The following PPIF variants were observed in gnomAD, a reference collection of about 807,000 sequenced individuals.
PPIF encodes the protein peptidyl-prolyl cis-trans isomerase F, mitochondrial.
PPIF carries 23 observed loss-of-function variants against 20.2 expected under a neutral mutation model. The ratio of observed to expected loss-of-function variants is 1.14; its 90% CI spans 0.82 to 1.61. PPIF has a LOEUF of 1.61. PPIF is among the 40% of genes most tolerant of loss of function. The probability of loss-of-function intolerance (pLI) is 0.00; values close to 1 mark genes in which losing one functional copy is unlikely to be tolerated. For missense variants in PPIF, 287 were observed against 291.6 expected (o/e 0.98, Z 0.11); for synonymous variants, 113 against 123.1 (o/e 0.92, Z 0.54).
At position 79,347,495 on chromosome 10, in the gene PPIF, T is replaced by A. The variant is rs915240711; in HGVS notation, c.-54T>A. Reference sequence around the variant, plus strand: ...CTCGGCCTTCTGGGCGCGCGCGACGTCAGTTTGAGTTCTGTGTTCTCCCCG... The same window carrying A: ...CTCGGCCTTCTGGGCGCGCGCGACGACAGTTTGAGTTCTGTGTTCTCCCCG... On this transcript the variant is annotated 5_prime_UTR_variant, in exon 1 of 6. Coordinates refer to ENST00000225174, the MANE Select transcript of PPIF (RefSeq NM_005729.4). 5.6e-6 allele frequency: 7 copies of A among 1,254,246 alleles called. No homozygotes were observed. Among genetic ancestry groups the A allele is most frequent in the Non-Finnish European group, 7.0e-6 (7 of 1,000,276 alleles). The allele number at this position is 1,254,246 out of a possible 1,614,324, so 77.7% of individuals were successfully genotyped here.
At chr10:79,348,680 G>A (rs1210313168) in intron 1 of PPIF, among the ~76,000 whole-genome samples, 1 of 152,174 alleles carries the variant, frequency 6.6e-6, no homozygotes, top group Non-Finnish European at 1.5e-5. Context: ...ACACCCTCAT[G>A]CCTCTCCCTG....
At chr10:79,349,838 G>A in intron 3 of PPIF, 85 bp downstream of exon 3, 2 of 1,584,492 alleles carry the variant, frequency 1.3e-6, no homozygotes, top group African/African-American at 2.7e-5. Flanking sequence ...TGAGGAAGGT[G>A]CTGAGCAGAG....
intron 4 of PPIF, 129 bp from the exon 5 acceptor site, chr10:79,352,185 TCTC>T: frequency 1.3e-6 from 1 of 768,944 alleles, no homozygotes; most frequent in Non-Finnish European, 2.2e-6. Flanking sequence ...GGGCCCTGGT[TCTC>T]CTCTTCTGGG....
intron 2 of PPIF, 118 bp downstream of exon 2, chr10:79,349,224 C>T (rs1254159130): frequency 1.8e-5 from 28 of 1,598,638 alleles, no homozygotes; most frequent in Non-Finnish European, 2.3e-5. Context: ...GATGGGAGCT[C>T]CATGTGTGGC....
Position 79,349,658 on chromosome 10 carries a change from C to A in PPIF, c.227-7C>A. ...CCTGTTGACCTGTGTTTCTCTTCGA[C>A]CCTCAGAGAACTTCAGAGCCCTGTG... On this transcript the variant is annotated splice_region_variant and splice_polypyrimidine_tract_variant and intron_variant, in intron 2 of 5. Coordinates refer to ENST00000225174, the MANE Select transcript of PPIF (RefSeq NM_005729.4). The A allele has an allele frequency of 6.2e-7, 1 of 1,613,036 alleles. No homozygotes were observed. Among genetic ancestry groups the A allele is most frequent in the Non-Finnish European group, 8.5e-7 (1 of 1,179,958 alleles).
chr10:79,349,520 T>C (rs1417395878), intron 2 of PPIF, 145 bp from the exon 3 acceptor site: 9 of 1,428,768 alleles, frequency 6.3e-6, no homozygotes, highest in Non-Finnish European at 8.4e-6. Context: ...ACATAGCGAG[T>C]TGGGCAGAGC....
chr10:79,348,939 A>G (rs1037068548), intron 1 of PPIF, 137 bp from the exon 2 acceptor site: 7 of 1,590,256 alleles, frequency 4.4e-6, no homozygotes, highest in South Asian at 1.1e-5. Flanking sequence ...GGGGTTGGCA[A>G]TAATGGGAAT....
Position 79,354,046 on chromosome 10 carries a change from C to T in PPIF, c.*204C>T. 1 of 589,042 alleles carries T rather than the reference C, an allele frequency of 1.7e-6. No homozygotes were observed. Among genetic ancestry groups the T allele is most frequent in the Non-Finnish European group, 3.0e-6 (1 of 334,972 alleles). 36.5% of individuals were successfully genotyped at this position (589,042 alleles called of 1,614,324 possible). A position where few individuals can be genotyped will look rare whatever the true frequency, so the allele number is the denominator to read the frequency against. ...TAATACCCACCCTTCCTCACGACCT[C>T]ATTTCTGGGCATCTTTGTGGACATG... On this transcript the variant is annotated 3_prime_UTR_variant, in exon 6 of 6. Coordinates refer to ENST00000225174, the MANE Select transcript of PPIF (RefSeq NM_005729.4).
At chr10:79,348,936 G>A (rs1278874008) in intron 1 of PPIF, 140 bp from the exon 2 acceptor site, 2 of 1,586,778 alleles carry the variant, frequency 1.3e-6, no homozygotes, top group Non-Finnish European at 1.7e-6. Flanking sequence ...ATGGGGGTTG[G>A]CAATAATGGG....
chr10:79,353,832 A>T lies in PPIF; in HGVS notation c.614A>T (p.Gln205Leu). ...AAGATTGTCATCACAGACTGTGGCC[A>T]GTTGAGCTAATCTGTGGCCAGGGTG... is the stretch of plus-strand genomic sequence containing the variant. ...SKKIVITDCG[Q>L]LS is the part of the protein sequence containing the mutation. Residue 205 changes from glutamine to leucine, a missense_variant, in exon 6 of 6, where the codon CAG (glutamine) becomes CTG (leucine). Physicochemically the swap from Gln to Leu is moderately radical, Grantham distance 113. Transcript: ENST00000225174. 6.2e-7 allele frequency: 1 copy of T among 1,614,202 alleles called. No individual in the cohort carries two copies. Among genetic ancestry groups the T allele is most frequent in the South Asian group, 1.1e-5 (1 of 91,074 alleles).
At chr10:79,348,187 G>T (rs1855926625) in intron 1 of PPIF, among the ~76,000 whole-genome samples, 1 of 152,188 alleles carries the variant, frequency 6.6e-6, no homozygotes, top group Non-Finnish European at 1.5e-5. Flanking sequence ...CCGCCCCTGC[G>T]GTCGGGCTCA....
At chr10:79,353,052 AG>A (rs1175541181) in intron 5 of PPIF, among the ~76,000 whole-genome samples, 21 of 152,206 alleles carry the variant, frequency 1.4e-4, no homozygotes, top group Non-Finnish European at 4.4e-5. Flanking sequence ...CCCATTTCCG[AG>A]GATTTTAGGG....
chr10:79,347,524 G>C lies in PPIF; in HGVS notation c.-25G>C, dbSNP rs1431854176. 1 of 1,292,964 alleles carries C rather than the reference G, an allele frequency of 7.7e-7. No homozygotes were observed. Among genetic ancestry groups the C allele is most frequent in the Non-Finnish European group, 9.7e-7 (1 of 1,025,644 alleles). 80.1% of individuals were successfully genotyped at this position (1,292,964 alleles called of 1,614,324 possible). ...TTTGAGTTCTGTGTTCTCCCCGCCCGTGTCCCGCCCGACCCGCGCCCGCGA... is the reference window on the plus strand; with the variant it reads ...TTTGAGTTCTGTGTTCTCCCCGCCCCTGTCCCGCCCGACCCGCGCCCGCGA... On this transcript the variant is annotated 5_prime_UTR_variant, in exon 1 of 6. Transcript: ENST00000225174.
intron 5 of PPIF, among the ~76,000 whole-genome samples, chr10:79,353,326 T>C (rs947286729): frequency 1.3e-5 from 2 of 152,264 alleles, no homozygotes; most frequent in African/African-American, 4.8e-5. Context: ...CTTTGACTCT[T>C]GACTCATCAT....
In PPIF at chr10:79,353,760, T is replaced by C. The variant is rs1856012926; in HGVS notation, c.542T>C (p.Val181Ala). 1 of 1,614,076 alleles carries C rather than the reference T, an allele frequency of 6.2e-7. No individual in the cohort carries two copies. The highest frequency in any genetic ancestry group is 8.5e-7 in the Non-Finnish European group (1 of 1,180,050). Reference sequence around the variant, plus strand: ...CACGTCAAAGAGGGCATGGACGTCGTGAAGAAAATAGAATCTTTCGGCTCT... The same window carrying C: ...CACGTCAAAGAGGGCATGGACGTCGCGAAGAAAATAGAATCTTTCGGCTCT... ...FGHVKEGMDVVKKIESFGSKS... is the reference protein window; with the variant it reads ...FGHVKEGMDVAKKIESFGSKS... Residue 181 changes from valine (V) to alanine (A), a missense_variant, in exon 6 of 6, where the codon GTG becomes GCG. Val to Ala is a moderately conservative substitution (Grantham distance 64). Coordinates refer to ENST00000225174, the MANE Select transcript of PPIF (RefSeq NM_005729.4).
Position 79,347,589 on chromosome 10 carries a change from T to C in PPIF, c.41T>C (p.Leu14Pro). Residue 14 changes from leucine (L) to proline (P), a missense_variant, in exon 1 of 6, where the codon CTC becomes CCC. Coordinates refer to ENST00000225174, the MANE Select transcript of PPIF (RefSeq NM_005729.4). ...LRCGSRWLGLLSVPRSVPLRL... is the reference protein window; with the variant it reads ...LRCGSRWLGLPSVPRSVPLRL... ...TGCGGCTCCCGCTGGCTCGGCCTGCTCTCCGTCCCGCGCTCCGTGCCGCTG... is the reference window on the plus strand; with the variant it reads ...TGCGGCTCCCGCTGGCTCGGCCTGCCCTCCGTCCCGCGCTCCGTGCCGCTG... 7.1e-7 allele frequency: 1 copy of C among 1,412,412 alleles called. No homozygotes were observed. Among genetic ancestry groups the C allele is most frequent in the Non-Finnish European group, 9.3e-7 (1 of 1,080,106 alleles). The allele number at this position is 1,412,412 out of a possible 1,614,324, so 87.5% of individuals were successfully genotyped here.
intron 1 of PPIF, 39 bp downstream of exon 1, chr10:79,347,782 G>C: frequency 2.4e-6 from 3 of 1,271,988 alleles, no homozygotes; most frequent in Non-Finnish European, 3.0e-6. Flanking sequence ...CGCGGGACAC[G>C]GGCCCGGGGA....
intron 4 of PPIF, 49 bp downstream of exon 4, chr10:79,351,632 G>T: frequency 6.4e-7 from 1 of 1,565,278 alleles, no homozygotes; most frequent in Non-Finnish European, 8.8e-7. Flanking sequence ...CTCTGACCTG[G>T]CCTGGAAGCC....
At chr10:79,349,554 CT>C in intron 2 of PPIF, 110 bp from the exon 3 acceptor site, 5 of 1,525,700 alleles carry the variant, frequency 3.3e-6, no homozygotes, top group Non-Finnish European at 4.4e-6. Context: ...GGGCCAGAGT[CT>C]TTATCCCCCT....
Sources: allele counts gnomAD v4.1 joint callset (sites outside exome capture counted in the v4.1 genomes callset), GRCh38; gene constraint gnomAD v4.1.1; transcripts MANE v1.5; gene names NCBI Gene and HGNC (gene_info 2026-07-23, HGNC 2026-07-21).